GRM7: variants seen among roughly 807,000 people sequenced by gnomAD.
GRM7 encodes metabotropic glutamate receptor 7.
In GRM7, 35 loss-of-function variants were observed where a neutral mutation model predicts 84.5. The observed-to-expected ratio is 0.41, with a 90% CI of 0.32 to 0.55. The LOEUF (loss-of-function observed/expected upper bound fraction) is 0.55. Among genes scored for constraint, GRM7 ranks in the 20% least tolerant of loss-of-function variants. The pLI, the probability that GRM7 is intolerant of heterozygous loss-of-function variation, is 0.19. For synonymous variants in GRM7, 487 were observed against 455.1 expected, an observed-to-expected ratio of 1.07 and a Z score of -0.89; for missense variants, 1,003 against 1,194.6, an observed-to-expected ratio of 0.84 and a Z score of 2.36.
At chr3:7,329,898 T>C (rs1304254818) in intron 4 of GRM7, among the ~76,000 whole-genome samples, 1 of 152,138 alleles carries the variant, frequency 6.6e-6, no homozygotes, top group Admixed American at 6.6e-5. Context: ...GAGAAATATA[T>C]TAATTTTCCA....
intron 7 of GRM7, among the ~76,000 whole-genome samples, chr3:7,563,772 G>A (rs946561961): frequency 6.6e-6 from 1 of 152,150 alleles, no homozygotes; most frequent in African/African-American, 2.4e-5. Context: ...GGGCAATGGA[G>A]ACATTTCAGT....
chr3:7,000,252 A>G (rs1276790600), intron 1 of GRM7, among the ~76,000 whole-genome samples: 3 of 149,886 alleles, frequency 2.0e-5, no homozygotes, highest in Non-Finnish European at 4.4e-5. Flanking sequence ...GCTCACTGCA[A>G]CTTCTGACTC....
At chr3:7,039,475 C>A (rs1696511894) in intron 1 of GRM7, among the ~76,000 whole-genome samples, 1 of 152,188 alleles carries the variant, frequency 6.6e-6, no homozygotes, top group South Asian at 2.1e-4. Flanking sequence ...GAATTTGTGA[C>A]AGCTTATTCC....
chr3:7,435,316 ACCACC>A (rs1696998998), intron 5 of GRM7, among the ~76,000 whole-genome samples: 1 of 151,822 alleles, frequency 6.6e-6, no homozygotes, highest in African/African-American at 2.4e-5. Context: ...GGTGTGTGCC[ACCACC>A]CCTGGGTAGT....
chr3:7,620,959 C>A (rs1697329553), intron 8 of GRM7, among the ~76,000 whole-genome samples: 1 of 151,916 alleles, frequency 6.6e-6, no homozygotes, highest in African/African-American at 2.4e-5. Flanking sequence ...GAAAAGCCTG[C>A]CATAGAGGAG....
At chr3:7,095,968 A>G (rs1268821614) in intron 1 of GRM7, among the ~76,000 whole-genome samples, 2 of 152,196 alleles carry the variant, frequency 1.3e-5, no homozygotes, top group Non-Finnish European at 1.5e-5. Context: ...CATTGTGTGT[A>G]TAGATACACA....
chr3:6,924,527 A>T lies in GRM7; in HGVS notation c.519+62620A>T, dbSNP rs544343646. 3.3e-5 allele frequency among the ~76,000 whole-genome samples: 5 copies of T among 152,268 alleles called. No homozygotes were observed. The South Asian group carries it at 1.0e-3, about 32-fold the overall frequency. On this transcript the variant is annotated intron_variant, in intron 1 of 9. Coordinates refer to ENST00000357716, the MANE Select transcript of GRM7 (RefSeq NM_000844.4). Reference sequence around the variant, plus strand: ...ATTGGTATATTTTAAGACTCACAGGATGGTTCCTATATGCAGTGAAGATTG... The same window carrying T: ...ATTGGTATATTTTAAGACTCACAGGTTGGTTCCTATATGCAGTGAAGATTG...
intron 1 of GRM7, among the ~76,000 whole-genome samples, chr3:6,969,154 G>A (rs12108160): frequency 6.6e-6 from 1 of 151,530 alleles, no homozygotes; most frequent in South Asian, 2.1e-4. Context: ...TATTTTGCTT[G>A]CTTTTTTTGT....
intron 1 of GRM7, among the ~76,000 whole-genome samples, chr3:7,104,283 T>C (rs1699227152): frequency 6.6e-6 from 1 of 151,648 alleles, no homozygotes; most frequent in African/African-American, 2.4e-5. Flanking sequence ...ACCAAAAAGG[T>C]TGACCTCTGC....
chr3:7,617,253 T>C (rs1045330813), intron 8 of GRM7, among the ~76,000 whole-genome samples: 2 of 152,126 alleles, frequency 1.3e-5, no homozygotes, highest in East Asian at 3.9e-4. Context: ...ATATATGGTA[T>C]AGAAACAGAC....
At chr3:7,572,874 ATATAT>A (rs1694769003) in intron 7 of GRM7, among the ~76,000 whole-genome samples, 18 of 90,166 alleles carry the variant, frequency 2.0e-4, no homozygotes, top group Admixed American at 5.8e-4. Flanking sequence ...ATATATATAT[ATATAT>A]AAATAATCTT....
intron 1 of GRM7, among the ~76,000 whole-genome samples, chr3:6,972,511 G>A (rs1231480725): frequency 2.6e-5 from 4 of 152,330 alleles, no homozygotes; most frequent in South Asian, 4.1e-4. Context: ...CATCTCCAGC[G>A]TGCCTTGTGT....
chr3:7,574,033 T>G (rs1694835268), intron 7 of GRM7, among the ~76,000 whole-genome samples: 1 of 152,214 alleles, frequency 6.6e-6, no homozygotes, highest in African/African-American at 2.4e-5. Context: ...GTTAGTTAAT[T>G]TGGTGACATA....
intron 1 of GRM7, among the ~76,000 whole-genome samples, chr3:7,066,234 A>G (rs1292144658): frequency 1.3e-5 from 2 of 151,930 alleles, no homozygotes; most frequent in Non-Finnish European, 2.9e-5. Context: ...TAAATGAAAC[A>G]AAAAGCTGGT....
chr3:7,117,922 C>A (rs548227424), intron 1 of GRM7, among the ~76,000 whole-genome samples: 1 of 152,176 alleles, frequency 6.6e-6, no homozygotes, highest in South Asian at 2.1e-4. Context: ...ATCTGAAGAA[C>A]TATAGGACCA....
intron 1 of GRM7, among the ~76,000 whole-genome samples, chr3:6,917,764 G>A (rs1575012240): frequency 1.3e-5 from 2 of 152,166 alleles, no homozygotes; most frequent in Non-Finnish European, 1.5e-5. Context: ...AGCAAGACTG[G>A]CAGATGAAGT....
intron 1 of GRM7, among the ~76,000 whole-genome samples, chr3:6,865,680 T>C (rs1334340180): frequency 6.6e-6 from 1 of 152,190 alleles, no homozygotes. Flanking sequence ...TGTGTCAATG[T>C]TTTCCTTCTG....
rs141186536 is a variant in GRM7 at position 7,508,838 on chromosome 3, A to G, written c.1515+47116A>G. ...TTTCTTGAGTTCTTGCTATGAGTCC[A>G]GCACCATCTTCATTTGATGAAATAG... On this transcript the variant is annotated intron_variant, in intron 7 of 9. Transcript: ENST00000357716. Among the ~76,000 whole-genome samples the G allele has an allele frequency of 2.5e-3, 382 of 152,314 alleles. 4 individuals carry two copies. Among genetic ancestry groups the G allele is most frequent in the African/African-American group, 8.7e-3 (362 of 41,574 alleles).
At chr3:7,675,333 T>TATCA (rs1265641223) in intron 8 of GRM7, among the ~76,000 whole-genome samples, 2 of 152,246 alleles carry the variant, frequency 1.3e-5, no homozygotes, top group South Asian at 2.1e-4. Flanking sequence ...CCTTGAAATC[T>TATCA]ATCAGAATAT....
Sources: allele counts gnomAD v4.1 joint callset (sites outside exome capture counted in the v4.1 genomes callset), GRCh38; gene constraint gnomAD v4.1.1; transcripts MANE v1.5; gene names NCBI Gene and HGNC (gene_info 2026-07-23, HGNC 2026-07-21).